Variants in CDH18 observed in about 807,000 individuals in gnomAD.
CDH18 encodes the protein cadherin 18.
A neutral mutation model predicts 67.9 loss-of-function variants in CDH18; 31 were observed. The observed-to-expected ratio is 0.46, with a 90% confidence interval of 0.34 to 0.62. CDH18 has a LOEUF of 0.62. Among genes scored for constraint, CDH18 ranks in the 20% least tolerant of loss-of-function variants. The pLI is 0.01. For synonymous variants in CDH18, 362 were observed against 347.2 expected, an observed-to-expected ratio of 1.04 and a Z score of -0.48; for missense variants, 890 against 975.5, an observed-to-expected ratio of 0.91 and a Z score of 1.17.
chr5:20,567,391 C>T (rs1758576524), intron 1 of CDH18, among the ~76,000 whole-genome samples: 1 of 151,550 alleles, frequency 6.6e-6, no homozygotes, highest in Non-Finnish European at 1.5e-5. Flanking sequence ...TTCTCAATGA[C>T]AGCTACTTAT....
chr5:20,414,537 G>T (rs1195707742), intron 1 of CDH18, among the ~76,000 whole-genome samples: 1 of 152,118 alleles, frequency 6.6e-6, no homozygotes, highest in Non-Finnish European at 1.5e-5. Flanking sequence ...TTGGGTGATG[G>T]ATTCAATAGT....
At chr5:20,133,274 G>A (rs1448151162) in intron 2 of CDH18, among the ~76,000 whole-genome samples, 1 of 152,202 alleles carries the variant, frequency 6.6e-6, no homozygotes, top group African/African-American at 2.4e-5. Context: ...GGTTGGGGAG[G>A]CCCCACAATT....
At chr5:20,564,193 C>A (rs1758371026) in intron 1 of CDH18, among the ~76,000 whole-genome samples, 1 of 151,994 alleles carries the variant, frequency 6.6e-6, no homozygotes, top group Admixed American at 6.6e-5. Context: ...GAACAACATG[C>A]AATTTTCACA....
At chr5:20,060,955 A>G (rs1232082546) in intron 2 of CDH18, among the ~76,000 whole-genome samples, 1 of 152,104 alleles carries the variant, frequency 6.6e-6, no homozygotes, top group African/African-American at 2.4e-5. Context: ...GCAAGAAAAA[A>G]AAAAGATGCT....
chr5:20,506,772 C>A (rs1210687240), intron 1 of CDH18, among the ~76,000 whole-genome samples: 1 of 152,156 alleles, frequency 6.6e-6, no homozygotes, highest in East Asian at 1.9e-4. Context: ...TTTTTTATTT[C>A]TTACCCTAGA....
At chr5:19,984,245 ATAT>A (rs1242580297) in intron 1 of CDH18, among the ~76,000 whole-genome samples, 5 of 151,560 alleles carry the variant, frequency 3.3e-5, no homozygotes, top group African/African-American at 1.2e-4. Context: ...GTATATATCC[ATAT>A]TAATCTATTC....
intron 2 of CDH18, among the ~76,000 whole-genome samples, chr5:20,131,734 C>G (rs1014701649): frequency 6.6e-6 from 1 of 152,002 alleles, no homozygotes; most frequent in Non-Finnish European, 1.5e-5. Flanking sequence ...TGTATTTTTA[C>G]AACAATTAAT....
In CDH18 at chr5:19,814,294, C is replaced by T. The variant is rs540695302; in HGVS notation, c.228+24465G>A. Among the ~76,000 whole-genome samples the T allele has an allele frequency of 2.9e-4, 44 of 152,162 alleles. No individual in the cohort carries two copies. The East Asian group carries it at 8.3e-3, about 29-fold the overall frequency. On this transcript the variant is annotated intron_variant, in intron 3 of 12. Coordinates refer to ENST00000382275, the MANE Select transcript of CDH18 (RefSeq NM_004934.5). ...TTGCTTAACGAATATTACTCCCACA[C>T]TCACAGAAACAATAGATAATACTAT... is the stretch of plus-strand genomic sequence containing the variant.
At chr5:19,684,678 T>C (rs560251088) in intron 5 of CDH18, among the ~76,000 whole-genome samples, 1 of 152,052 alleles carries the variant, frequency 6.6e-6, no homozygotes, top group African/African-American at 2.4e-5. Context: ...TTGAAAACCC[T>C]GTAATTTGGA....
intron 2 of CDH18, among the ~76,000 whole-genome samples, chr5:20,052,664 T>C (rs1337458196): frequency 1.3e-5 from 2 of 152,066 alleles, no homozygotes; most frequent in Non-Finnish European, 2.9e-5. Context: ...AATTTATTAG[T>C]ATGTCTCACT....
At chr5:20,538,913 T>G (rs1214560181) in intron 1 of CDH18, among the ~76,000 whole-genome samples, 2 of 142,356 alleles carry the variant, frequency 1.4e-5, no homozygotes, top group African/African-American at 2.5e-5. Context: ...TTTTTTGTTT[T>G]TTTTTTTTTT....
chr5:20,298,865 G>GA (rs1175175260), intron 1 of CDH18, among the ~76,000 whole-genome samples: 11 of 151,892 alleles, frequency 7.2e-5, no homozygotes, highest in Middle Eastern at 3.4e-3. Flanking sequence ...AAGAACTGAA[G>GA]AAAAAAAACA....
intron 5 of CDH18, among the ~76,000 whole-genome samples, chr5:19,630,919 G>A (rs1209733096): frequency 6.6e-6 from 1 of 152,052 alleles, no homozygotes; most frequent in African/African-American, 2.4e-5. Context: ...AGGGCTAAAT[G>A]AGGCATTGAT....
chr5:20,028,787 A>T (rs746429172), intron 2 of CDH18, among the ~76,000 whole-genome samples: 10 of 152,088 alleles, frequency 6.6e-5, no homozygotes, highest in Non-Finnish European at 1.5e-4. Context: ...AGAATTTAAA[A>T]CTTACAATTT....
chr5:20,279,165 A>G (rs1273860316), intron 1 of CDH18, among the ~76,000 whole-genome samples: 1 of 152,116 alleles, frequency 6.6e-6, no homozygotes, highest in Non-Finnish European at 1.5e-5. Context: ...AAAACCACAC[A>G]TTACAAAGAC....
At chr5:20,234,149 A>G (rs1742297342) in intron 2 of CDH18, among the ~76,000 whole-genome samples, 1 of 152,180 alleles carries the variant, frequency 6.6e-6, no homozygotes, top group Non-Finnish European at 1.5e-5. Context: ...AAGCCGCTGG[A>G]TGACCATAGA....
chr5:20,305,148 A>G, intron 1 of CDH18: 16 of 1,467,104 alleles, frequency 1.1e-5, no homozygotes, highest in South Asian at 3.4e-5. Context: ...CTGCCTTTGC[A>G]CTGGTGAAGG....
intron 2 of CDH18, among the ~76,000 whole-genome samples, chr5:20,118,456 T>G (rs1257687969): frequency 6.6e-6 from 1 of 152,174 alleles, no homozygotes; most frequent in African/African-American, 2.4e-5. Context: ...TATTCTTATT[T>G]ACTACGCTTA....
At chr5:19,678,010 T>C (rs772097667) in intron 5 of CDH18, among the ~76,000 whole-genome samples, 2 of 151,768 alleles carry the variant, frequency 1.3e-5, no homozygotes, top group Non-Finnish European at 2.9e-5. Flanking sequence ...CTTAGAGACC[T>C]ACAAAGACTT....
Sources: gnomAD v4.1 joint callset for allele counts (sites outside exome capture counted in the v4.1 genomes callset) on GRCh38, gnomAD v4.1.1 for gene constraint, MANE v1.5 for transcripts, NCBI Gene and HGNC (gene_info 2026-07-23, HGNC 2026-07-21) for gene names.